Variants in CADM2 observed in about 807,000 individuals in gnomAD.
The protein encoded by CADM2 is immunoglobulin superfamily member 4D.
CADM2 carries 12 observed loss-of-function variants against 49.8 expected under a neutral mutation model. The ratio of observed to expected loss-of-function variants is 0.24; its 90% confidence interval spans 0.15 to 0.39. The LOEUF is 0.39. Ranked by LOEUF, CADM2 falls within the 10% of genes least tolerant of loss-of-function variation. The probability of loss-of-function intolerance (pLI) is 1.00; values close to 1 mark genes in which losing one functional copy is unlikely to be tolerated. For missense variants in CADM2, 378 were observed against 492.3 expected (o/e 0.77, Z 2.20); for synonymous variants, 214 against 175.4 (o/e 1.22, Z -1.74).
intron 2 of CADM2, among the ~76,000 whole-genome samples, chr3:85,750,025 T>G (rs987311594): frequency 1.3e-5 from 2 of 152,046 alleles, no homozygotes; most frequent in Non-Finnish European, 2.9e-5. Flanking sequence ...TGATGTAAAA[T>G]TTTTCCATGA....
intron 5 of CADM2, among the ~76,000 whole-genome samples, chr3:85,895,687 C>T (rs1017462162): frequency 6.6e-5 from 10 of 152,082 alleles, no homozygotes; most frequent in Admixed American, 3.3e-4. Flanking sequence ...GTAAATGAAT[C>T]GTGGGGGAAG....
At chr3:85,129,581 T>C (rs894407317) in intron 1 of CADM2, among the ~76,000 whole-genome samples, 3 of 152,230 alleles carry the variant, frequency 2.0e-5, no homozygotes, top group African/African-American at 7.2e-5. Flanking sequence ...TTCATGTGGC[T>C]TCTTCATACA....
intron 1 of CADM2, among the ~76,000 whole-genome samples, chr3:85,619,483 G>A: frequency 6.6e-6 from 1 of 151,960 alleles, no homozygotes; most frequent in East Asian, 1.9e-4. Context: ...ATATCCTCTG[G>A]TCTGTGGAGA....
At chr3:85,999,367 T>C (rs905021457) in intron 8 of CADM2, among the ~76,000 whole-genome samples, 1 of 151,490 alleles carries the variant, frequency 6.6e-6, no homozygotes, top group Non-Finnish European at 1.5e-5. Flanking sequence ...TTTTCAGGCA[T>C]GATGGTGTGC....
intron 2 of CADM2, among the ~76,000 whole-genome samples, chr3:85,789,001 G>A (rs973922658): frequency 6.6e-6 from 1 of 151,948 alleles, no homozygotes; most frequent in Admixed American, 6.6e-5. Context: ...AAGACCTACT[G>A]GATGAAATAA....
At chr3:85,160,748 T>C (rs1224233363) in intron 1 of CADM2, among the ~76,000 whole-genome samples, 2 of 152,232 alleles carry the variant, frequency 1.3e-5, no homozygotes, top group African/African-American at 4.8e-5. Flanking sequence ...ATTTATGCAA[T>C]AATTAGTCTT....
chr3:85,999,704 CTT>C (rs896448521), intron 8 of CADM2, among the ~76,000 whole-genome samples: 83 of 151,732 alleles, frequency 5.5e-4, no homozygotes, highest in African/African-American at 1.9e-3. Context: ...ATGAAAGAAA[CTT>C]ATTTAATTTT....
chr3:85,062,944 T>C (rs2036389854), intron 1 of CADM2, among the ~76,000 whole-genome samples: 1 of 151,928 alleles, frequency 6.6e-6, no homozygotes, highest in South Asian at 2.1e-4. Flanking sequence ...TTGATTTGAA[T>C]TGAGGCATCA....
chr3:85,217,607 A>G (rs2041958394), intron 1 of CADM2, among the ~76,000 whole-genome samples: 1 of 152,088 alleles, frequency 6.6e-6, no homozygotes, highest in Admixed American at 6.5e-5. Context: ...AAAATATTAT[A>G]GCACTTAATA....
At chr3:85,824,818 A>G (rs1441690435) in intron 3 of CADM2, among the ~76,000 whole-genome samples, 1 of 152,026 alleles carries the variant, frequency 6.6e-6, no homozygotes, top group African/African-American at 2.4e-5. Flanking sequence ...TAAGAAGTGG[A>G]GAAGAAGGAA....
intron 1 of CADM2, among the ~76,000 whole-genome samples, chr3:85,018,301 A>T (rs1353995250): frequency 1.3e-5 from 2 of 152,190 alleles, no homozygotes; most frequent in African/African-American, 2.4e-5. Flanking sequence ...TTATCCACGA[A>T]AATGGAGGAA....
chr3:85,291,033 A>G (rs2043778176), intron 1 of CADM2, among the ~76,000 whole-genome samples: 1 of 152,174 alleles, frequency 6.6e-6, no homozygotes, highest in Non-Finnish European at 1.5e-5. Context: ...GAAGTTGAAA[A>G]CTTTTTAAAA....
At chr3:85,740,210 T>C (rs1249159397) in intron 2 of CADM2, among the ~76,000 whole-genome samples, 2 of 152,214 alleles carry the variant, frequency 1.3e-5, no homozygotes. Flanking sequence ...TCTTTTGATA[T>C]CTGTACACAG....
intron 1 of CADM2, among the ~76,000 whole-genome samples, chr3:85,638,263 T>A (rs2064580846): frequency 6.6e-6 from 1 of 152,314 alleles, no homozygotes. Context: ...AATTTCAAAG[T>A]ACTTTGAAAG....
chr3:85,544,487 G>A (rs2061618138), intron 1 of CADM2, among the ~76,000 whole-genome samples: 1 of 152,156 alleles, frequency 6.6e-6, no homozygotes, highest in Non-Finnish European at 1.5e-5. Context: ...TGAGGCGGGT[G>A]AATGGCGTGA....
chr3:84,982,698 A>G (rs1428212518), intron 1 of CADM2, among the ~76,000 whole-genome samples: 2 of 76,592 alleles, frequency 2.6e-5, no homozygotes, highest in Non-Finnish European at 5.2e-5. Context: ...TGAAAACTAT[A>G]AAGCATATAT....
chr3:85,592,614 A>G (rs1348367463), intron 1 of CADM2, among the ~76,000 whole-genome samples: 2 of 151,930 alleles, frequency 1.3e-5, no homozygotes, highest in Admixed American at 6.6e-5. Flanking sequence ...AAGCATATAT[A>G]TTGGTGAGTA....
At chr3:85,393,438 A>G (rs1233106212) in intron 1 of CADM2, among the ~76,000 whole-genome samples, 3 of 152,190 alleles carry the variant, frequency 2.0e-5, no homozygotes, top group African/African-American at 7.2e-5. Flanking sequence ...GTGAATGTTG[A>G]AAGTAGATAT....
chr3:85,643,088 T>G (rs894184453), intron 1 of CADM2, among the ~76,000 whole-genome samples: 1 of 152,174 alleles, frequency 6.6e-6, no homozygotes, highest in African/African-American at 2.4e-5. Context: ...ATTATAATAT[T>G]GATTGTTCAT....
Sources: allele counts gnomAD v4.1 joint callset (sites outside exome capture counted in the v4.1 genomes callset), GRCh38; gene constraint gnomAD v4.1.1; transcripts MANE v1.5; gene names NCBI Gene and HGNC (gene_info 2026-07-23, HGNC 2026-07-21).